KDR: variants seen among roughly 807,000 people sequenced by gnomAD.
KDR encodes kinase insert domain receptor.
Under a neutral mutation model 160.9 loss-of-function variants are expected in KDR, and 43 were observed. The observed-to-expected ratio is 0.27, with a 90% CI of 0.21 to 0.34. The LOEUF is 0.34. Among genes scored for constraint, KDR ranks in the 10% least tolerant of loss-of-function variants. The pLI is 1.00. For missense variants in KDR, 1,469 were observed against 1,666.4 expected (o/e 0.88, Z 2.06); for synonymous variants, 617 against 600.1 (o/e 1.03, Z -0.41).
Position 55,079,784 on chromosome 4 carries a change from C to T in KDR, c.*157G>A, listed in dbSNP as rs1560510702. ...GGTCACAAGCCTCTTCCAGGATATGCCTAGAAGACTGGCTCCCTGCAGTCC... is the reference window on the plus strand; with the variant it reads ...GGTCACAAGCCTCTTCCAGGATATGTCTAGAAGACTGGCTCCCTGCAGTCC... On this transcript the variant is annotated 3_prime_UTR_variant, in exon 30 of 30. Coordinates refer to ENST00000263923, the MANE Select transcript of KDR (RefSeq NM_002253.4). The T allele has an allele frequency of 1.3e-5, 9 of 698,304 alleles. No individual in the cohort carries two copies. Among genetic ancestry groups the T allele is most frequent in the Non-Finnish European group, 2.1e-5 (8 of 387,708 alleles). The allele number at this position is 698,304 out of a possible 1,614,324, so 43.3% of individuals were successfully genotyped here.
Position 55,114,969 on chromosome 4 carries a change from G to A in KDR, c.563C>T (p.Pro188Leu), listed in dbSNP as rs776981022. ...GCCAGCATAGCTGATCATGTAGCTG[G>A]GAATAGTAAAGCCCTTCTTGCTGTC... ...SWDSKKGFTIPSYMISYAGMV... is the reference protein window; with the variant it reads ...SWDSKKGFTILSYMISYAGMV... The change falls in exon 5 of 30, where the codon CCC (proline) becomes CTC (leucine). Residue 188 changes from proline to leucine, a missense_variant. Pro to Leu is a moderately conservative substitution (Grantham distance 98). Transcript: ENST00000263923. 1 of 1,613,662 alleles carries A rather than the reference G, an allele frequency of 6.2e-7. No individual in the cohort carries two copies. Among genetic ancestry groups the A allele is most frequent in the Non-Finnish European group, 8.5e-7 (1 of 1,179,680 alleles).
intron 3 of KDR, among the ~76,000 whole-genome samples, chr4:55,117,165 CA>C (rs965398073): frequency 6.6e-6 from 1 of 151,926 alleles, no homozygotes; most frequent in East Asian, 1.9e-4. Context: ...TTCGGTATCT[CA>C]AAAAAAGGAA....
chr4:55,119,176 T>C (rs1250155198), intron 2 of KDR, among the ~76,000 whole-genome samples: 1 of 151,622 alleles, frequency 6.6e-6, no homozygotes, highest in East Asian at 1.9e-4. Flanking sequence ...ACCACTGCAC[T>C]TCAGCCTGGG....
intron 15 of KDR, among the ~76,000 whole-genome samples, chr4:55,099,031 T>A (rs1299779239): frequency 7.3e-6 from 1 of 136,828 alleles, no homozygotes; most frequent in African/African-American, 2.7e-5. Context: ...TTATTTATTT[T>A]TAGAGACAGG....
chr4:55,109,132 G>C (rs1720512074), intron 9 of KDR, among the ~76,000 whole-genome samples: 1 of 152,006 alleles, frequency 6.6e-6, no homozygotes, highest in Non-Finnish European at 1.5e-5. Flanking sequence ...CACCAGGCTG[G>C]AGTACAATGG....
chr4:55,122,516 C>T (rs921478312), intron 1 of KDR, among the ~76,000 whole-genome samples: 4 of 151,974 alleles, frequency 2.6e-5, no homozygotes, highest in African/African-American at 9.7e-5. Context: ...AAGTAAATAC[C>T]CAGTGCAAAC....
rs778887745 is a variant in KDR, at chr4:55,098,187, AGTC to A, written c.2456_2458del (p.Arg819del). ...TTCCCATTTGCTGGCATCATAAGGC[AGTC>A]GTTCACAATGTTCATCCAATGGGAG... is the stretch of plus-strand genomic sequence containing the variant. On this transcript the variant is annotated inframe_deletion, in exon 17 of 30. Coordinates refer to ENST00000263923, the MANE Select transcript of KDR (RefSeq NM_002253.4). The A allele has an allele frequency of 1.2e-6, 2 of 1,613,882 alleles. No individual in the cohort carries two copies. The highest frequency in any genetic ancestry group is 2.7e-5 in the African/African-American group (2 of 74,918).
rs535228847 is a variant in KDR, at chr4:55,124,179, T to C, written c.67+1048A>G. On this transcript the variant is annotated intron_variant, in intron 1 of 29. Coordinates refer to ENST00000263923, the MANE Select transcript of KDR (RefSeq NM_002253.4). ...TGTCTTCTAAGACATGTGATTCTTG[T>C]CTTAGGGAGTAAGAAATTTTTTTCC... 1.5e-3 allele frequency among the ~76,000 whole-genome samples: 229 copies of C among 152,328 alleles called. 1 individual carries two copies. Among genetic ancestry groups the C allele is most frequent in the African/African-American group, 5.3e-3 (219 of 41,568 alleles).
At position 55,079,924 on chromosome 4, in the gene KDR, G is replaced by A. The variant is rs1387469914; in HGVS notation, c.*17C>T. The A allele has an allele frequency of 7.5e-6, 12 of 1,601,512 alleles. No individual in the cohort carries two copies. The highest frequency in any genetic ancestry group is 1.0e-5 in the Non-Finnish European group (12 of 1,168,914). On this transcript the variant is annotated 3_prime_UTR_variant, in exon 30 of 30. Coordinates refer to ENST00000263923, the MANE Select transcript of KDR (RefSeq NM_002253.4). ...TCTCATGTGATGTCCAGGAGTTGGG[G>A]GTGTGGATGCTTCCTTTTAAACAGG... is the stretch of plus-strand genomic sequence containing the variant.
At chr4:55,097,589 GA>G in intron 18 of KDR, 72 bp downstream of exon 18, 1 of 995,114 alleles carries the variant, frequency 1.0e-6, no homozygotes, top group South Asian at 1.3e-5. Context: ...CAAAGCTACT[GA>G]TACAAGCCTT....
chr4:55,105,721 T>C, intron 12 of KDR, 111 bp downstream of exon 12: 2 of 788,052 alleles, frequency 2.5e-6, no homozygotes, highest in South Asian at 1.3e-5. Flanking sequence ...CCAAGTCCTC[T>C]TTCCTAAATG....
Position 55,113,335 on chromosome 4 carries a change from G to T in KDR, c.945C>A (p.Thr315=). ...CCCTGACAAATGTGCTGTTCTTCTT[G>T]GTCATCAGCCCACTGGATGCTGCAC... The part of the protein sequence containing the change: ...YTCAASSGLM[T]KKNSTFVRVH... Residue 315 remains threonine, a synonymous_variant, in exon 7 of 30, where the codon ACC becomes ACA. Transcript: ENST00000263923. 1 of 1,614,034 alleles carries T rather than the reference G, an allele frequency of 6.2e-7. No individual in the cohort carries two copies. Among genetic ancestry groups the T allele is most frequent in the South Asian group, 1.1e-5 (1 of 91,064 alleles).
intron 4 of KDR, 33 bp downstream of exon 4, chr4:55,115,248 A>C (rs1267891550): frequency 6.3e-7 from 1 of 1,575,876 alleles, no homozygotes; most frequent in African/African-American, 1.4e-5. Flanking sequence ...AATTATAAAA[A>C]CTTAAGAGAC....
chr4:55,104,824 A>G lies in KDR; in HGVS notation c.1806T>C (p.Val602=), dbSNP rs146444498. 1 of 1,613,970 alleles carries G rather than the reference A, an allele frequency of 6.2e-7. No homozygotes were observed. Among genetic ancestry groups the G allele is most frequent in the Non-Finnish European group, 8.5e-7 (1 of 1,179,882 alleles). ...TCCAAAGAGTATCCAAGTTCTTGCA[A>G]ACAGGTGTGGGCAACTCTCCCACAT... ...PIHVGELPTP[V]CKNLDTLWKL... Residue 602 remains valine, a synonymous_variant, in exon 13 of 30, where the codon GTT becomes GTC. Transcript: ENST00000263923.
intron 22 of KDR, 100 bp from the exon 23 acceptor site, chr4:55,090,178 C>T (rs2110012083): frequency 7.3e-7 from 1 of 1,374,836 alleles, no homozygotes; most frequent in East Asian, 2.3e-5. Context: ...CATCAGAAAG[C>T]CAACTGATTA....
chr4:55,103,335 A>T (rs987473784), intron 13 of KDR, among the ~76,000 whole-genome samples: 1 of 152,206 alleles, frequency 6.6e-6, no homozygotes, highest in African/African-American at 2.4e-5. Flanking sequence ...GTCAACACTT[A>T]GCAAAATGAG....
In KDR at chr4:55,082,550, T is replaced by G; in HGVS notation, c.3748A>C (p.Lys1250Gln). 8.7e-6 allele frequency: 14 copies of G among 1,611,252 alleles called. No homozygotes were observed. Among genetic ancestry groups the G allele is most frequent in the African/African-American group, 1.3e-5 (1 of 75,012 alleles). The change falls in exon 28 of 30, where the codon AAA becomes CAA. Residue 1250 changes from lysine to glutamine, a missense_variant. Around this residue, in one of 7 missense-constraint regions of KDR, gnomAD observed 229 missense variants for 197.8 expected, o/e 1.16. Coordinates refer to ENST00000263923, the MANE Select transcript of KDR (RefSeq NM_002253.4). Reference protein sequence around the residue: ...EDIPLEEPEVKVIPDDNQTDS... With the variant: ...EDIPLEEPEVQVIPDDNQTDS... ...GACGTACTTACATCTGGGATTACTT[T>G]TACTTCTGGTTCTTCTAACGGGATA...
At position 55,114,992 on chromosome 4, in the gene KDR, G is replaced by A. The variant is rs2110031677; in HGVS notation, c.540C>T (p.Asp180=). ...FVPDGNRISW[D]SKKGFTIPSY... is the part of the protein sequence containing the mutation. The stretch of plus-strand genomic sequence containing the variant: ...TGGGAATAGTAAAGCCCTTCTTGCT[G>A]TCCCAGGAAATTCTGTTACCATCAG... Residue 180 remains aspartate (D), a synonymous_variant, in exon 5 of 30, where the codon GAC becomes GAT. Coordinates refer to ENST00000263923, the MANE Select transcript of KDR (RefSeq NM_002253.4). 6.2e-7 allele frequency: 1 copy of A among 1,613,696 alleles called. No homozygotes were observed. The highest frequency in any genetic ancestry group is 8.5e-7 in the Non-Finnish European group (1 of 1,179,706).
At chr4:55,093,454 T>C (rs1720069619) in intron 21 of KDR, among the ~76,000 whole-genome samples, 1 of 152,222 alleles carries the variant, frequency 6.6e-6, no homozygotes, top group Non-Finnish European at 1.5e-5. Context: ...AACTTAGTTG[T>C]AGTAATAAAT....
Sources: allele counts gnomAD v4.1 joint callset (sites outside exome capture counted in the v4.1 genomes callset), GRCh38; gene constraint gnomAD v4.1.1; regional missense constraint gnomAD v4.1.1; transcripts MANE v1.5; gene names NCBI Gene and HGNC (gene_info 2026-07-23, HGNC 2026-07-21).